HRH2: variants seen among roughly 807,000 people sequenced by gnomAD.
HRH2 encodes histamine receptor H2.
Under a neutral mutation model 20.1 loss-of-function variants are expected in HRH2, and 4 were observed. That is an observed-to-expected ratio of 0.20 (90% CI 0.10 to 0.45). The LOEUF (loss-of-function observed/expected upper bound fraction) is 0.45. Ranked by LOEUF, HRH2 falls within the 20% of genes least tolerant of loss-of-function variation. The pLI, the probability that HRH2 is intolerant of heterozygous loss-of-function variation, is 0.99. For missense variants in HRH2, 250 were observed against 461.6 expected (o/e 0.54, Z 4.20); for synonymous variants, 197 against 200.7 (o/e 0.98, Z 0.16).
rs184303380 is a variant in HRH2 at position 175,691,946 on chromosome 5, C to T, written c.1076+7637C>T. Among the ~76,000 whole-genome samples, 39 of 152,118 alleles carry T rather than the reference C, an allele frequency of 2.6e-4. No individual in the cohort carries two copies. In the East Asian group the frequency reaches 4.8e-3, roughly 19 times the overall value. ...GAAAAGGCCCTTCCTCCAGGGGACCCGGCCCCAGGGTGCACAGCCTGGCAA... is the reference window on the plus strand; with the variant it reads ...GAAAAGGCCCTTCCTCCAGGGGACCTGGCCCCAGGGTGCACAGCCTGGCAA... On this transcript the variant is annotated intron_variant, in intron 2 of 2. Transcript: ENST00000636584.
At chr5:175,703,857 A>G (rs1756862263) in intron 2 of HRH2, 2 of 152,106 alleles carry the variant, frequency 1.3e-5, no homozygotes, top group Non-Finnish European at 2.9e-5. Context: ...GAAATAGAAA[A>G]CCTGAATTGC....
chr5:175,667,017 C>CATATAT (rs143167989), intron 1 of HRH2, among the ~76,000 whole-genome samples: 3,278 of 150,378 alleles, frequency 0.022, 121 homozygotes, highest in African/African-American at 0.076. Flanking sequence ...CAAATAAAGG[C>CATATAT]ATATATATAT....
intron 1 of HRH2, among the ~76,000 whole-genome samples, chr5:175,667,334 C>T (rs1423937714): frequency 6.6e-6 from 1 of 152,050 alleles, no homozygotes; most frequent in Non-Finnish European, 1.5e-5. Context: ...ATCGCAGCTA[C>T]TCAGGAGGCT....
At chr5:175,697,459 T>C in intron 2 of HRH2, among the ~76,000 whole-genome samples, 1 of 108,814 alleles carries the variant, frequency 9.2e-6, no homozygotes, top group Non-Finnish European at 1.8e-5. Flanking sequence ...TGAGACTCCG[T>C]CTCAAAAAAA....
intron 2 of HRH2, among the ~76,000 whole-genome samples, chr5:175,705,083 G>T (rs1468275085): frequency 6.6e-6 from 1 of 152,016 alleles, no homozygotes; most frequent in Non-Finnish European, 1.5e-5. Context: ...GATCCTGGAG[G>T]AAAAGACTCA....
chr5:175,701,534 C>A (rs900085711), intron 2 of HRH2, among the ~76,000 whole-genome samples: 4 of 152,160 alleles, frequency 2.6e-5, no homozygotes, highest in African/African-American at 9.7e-5. Context: ...ACCAGCAGGT[C>A]CAAGCTTCTA....
At chr5:175,689,334 T>C (rs1196597390) in intron 2 of HRH2, among the ~76,000 whole-genome samples, 3 of 138,498 alleles carry the variant, frequency 2.2e-5, no homozygotes, top group African/African-American at 8.3e-5. Flanking sequence ...CTTCCCCCTC[T>C]TGACTTACTT....
At chr5:175,670,064 T>A (rs1412161217) in intron 1 of HRH2, among the ~76,000 whole-genome samples, 1 of 152,146 alleles carries the variant, frequency 6.6e-6, no homozygotes, top group Non-Finnish European at 1.5e-5. Context: ...TCGGTGTCAC[T>A]CCCTGGTGGG....
intron 1 of HRH2, among the ~76,000 whole-genome samples, chr5:175,678,319 C>A (rs1166857806): frequency 6.6e-6 from 1 of 152,148 alleles, no homozygotes; most frequent in Non-Finnish European, 1.5e-5. Flanking sequence ...TAGCCAATGA[C>A]AAAAGTGTTA....
intron 1 of HRH2, among the ~76,000 whole-genome samples, chr5:175,670,289 T>C (rs1755479967): frequency 6.6e-6 from 1 of 151,878 alleles, no homozygotes; most frequent in Admixed American, 6.6e-5. Context: ...TTTTTTAAAG[T>C]AACTGGAAAT....
intron 2 of HRH2, among the ~76,000 whole-genome samples, chr5:175,690,215 G>A (rs1362109891): frequency 6.6e-6 from 1 of 152,214 alleles, no homozygotes; most frequent in Non-Finnish European, 1.5e-5. Flanking sequence ...CCCGCCACTC[G>A]GGAACCTGCT....
chr5:175,673,591 A>G (rs1755642080), intron 1 of HRH2, among the ~76,000 whole-genome samples: 1 of 152,114 alleles, frequency 6.6e-6, no homozygotes, highest in South Asian at 2.1e-4. Flanking sequence ...AATGTTTTGG[A>G]ACCAGAGAGA....
chr5:175,681,518 G>A lies in HRH2; in HGVS notation c.-525-1191G>A, dbSNP rs1037244882. Among the ~76,000 whole-genome samples the A allele has an allele frequency of 2.0e-5, 3 of 152,198 alleles. No homozygotes were observed. The highest frequency in any genetic ancestry group is 6.5e-5 in the Admixed American group (1 of 15,284). ...GGAGCTGGTAGGGAAGGACTGGGGC[G>A]TGGAACAGGGCCTCAGCTTGTTTCT... On this transcript the variant is annotated intron_variant, in intron 1 of 2. Coordinates refer to ENST00000636584, the MANE Select transcript of HRH2 (RefSeq NM_001367711.1). This position sits in a 1 kb window ranked among gnomAD's most constrained non-coding sequence, Gnocchi z 4.3.
chr5:175,662,564 T>G lies in HRH2; in HGVS notation c.-526+4409T>G, dbSNP rs535889912. Among the ~76,000 whole-genome samples, 251 of 152,332 alleles carry G rather than the reference T, an allele frequency of 1.6e-3. 4 individuals carry two copies. The highest frequency in any genetic ancestry group is 6.9e-4 in the Non-Finnish European group (47 of 68,040). The stretch of plus-strand genomic sequence containing the variant: ...CTTCAAAGCACTGGTCCTTTGAGCC[T>G]GAGGTTGCTCTATTGGCCACCTGGC... On this transcript the variant is annotated intron_variant, in intron 1 of 2. Transcript: ENST00000636584.
chr5:175,704,890 T>C (rs1007642756), intron 2 of HRH2, among the ~76,000 whole-genome samples: 16 of 151,880 alleles, frequency 1.1e-4, no homozygotes, highest in African/African-American at 3.6e-4. Flanking sequence ...GTTAGATGAG[T>C]ACCTGGGTGC....
chr5:175,676,182 A>T (rs1755753039), intron 1 of HRH2, among the ~76,000 whole-genome samples: 1 of 152,032 alleles, frequency 6.6e-6, no homozygotes, highest in Non-Finnish European at 1.5e-5. Context: ...CACAGGACAG[A>T]CTCCTAGAAG....
chr5:175,670,110 A>G (rs1322525114), intron 1 of HRH2, among the ~76,000 whole-genome samples: 2 of 152,174 alleles, frequency 1.3e-5, no homozygotes, highest in East Asian at 1.9e-4. Flanking sequence ...CCAGGCTCCA[A>G]TCCAAAGGGG....
intron 2 of HRH2, among the ~76,000 whole-genome samples, chr5:175,707,303 A>G (rs1276568884): frequency 1.3e-5 from 2 of 151,866 alleles, no homozygotes; most frequent in South Asian, 2.1e-4. Context: ...AGTGGCACGC[A>G]CCTATAGTGT....
chr5:175,667,989 G>C (rs953742060), intron 1 of HRH2, among the ~76,000 whole-genome samples: 1 of 152,238 alleles, frequency 6.6e-6, no homozygotes, highest in African/African-American at 2.4e-5. Context: ...GCTGGAAAAA[G>C]GGGATGTGGG....
Sources: allele counts gnomAD v4.1 joint callset (sites outside exome capture counted in the v4.1 genomes callset), GRCh38; gene constraint gnomAD v4.1.1; non-coding constraint Gnocchi (gnomAD v3.1); transcripts MANE v1.5; gene names NCBI Gene and HGNC (gene_info 2026-07-23, HGNC 2026-07-21).